Variants in ZMYM4 observed in about 807,000 individuals in gnomAD.
The protein encoded by ZMYM4 is zinc finger MYM-type protein 4.
A neutral mutation model predicts 183.2 loss-of-function variants in ZMYM4; 31 were observed. That is an observed-to-expected ratio of 0.17 (90% CI 0.13 to 0.23). The LOEUF (loss-of-function observed/expected upper bound fraction) is 0.23. Ranked by LOEUF, ZMYM4 falls within the 10% of genes least tolerant of loss-of-function variation. ZMYM4 has a pLI of 1.00. For missense variants in ZMYM4, 1,273 were observed against 1,840.3 expected (o/e 0.69, Z 5.64); for synonymous variants, 592 against 631.2 (o/e 0.94, Z 0.93).
At chr1:35,336,923 G>A (rs1040233700) in intron 2 of ZMYM4, among the ~76,000 whole-genome samples, 1 of 152,146 alleles carries the variant, frequency 6.6e-6, no homozygotes, top group Non-Finnish European at 1.5e-5. Context: ...TTCTCATGAG[G>A]TATCATGGTT....
intron 7 of ZMYM4, among the ~76,000 whole-genome samples, chr1:35,371,069 G>GTGTT (rs1189752813): frequency 4.1e-5 from 4 of 97,446 alleles, no homozygotes; most frequent in African/African-American, 2.0e-4. Flanking sequence ...TCCAGTGTGT[G>GTGTT]TGTGTGTGTG....
At chr1:35,302,200 C>CCTTTTTTTTTTTTTTTTT (rs1641311910) in intron 1 of ZMYM4, among the ~76,000 whole-genome samples, 1 of 58,556 alleles carries the variant, frequency 1.7e-5, no homozygotes, top group African/African-American at 6.4e-5. Flanking sequence ...ACGGCTCTTG[C>CCTTTTTTTTTTTTTTTTT]TTTTTTTTTT....
intron 1 of ZMYM4, among the ~76,000 whole-genome samples, chr1:35,271,108 G>A (rs77482369): frequency 0.021 from 3,184 of 152,196 alleles, 108 homozygotes; most frequent in African/African-American, 0.073. Flanking sequence ...GAAGGCATAT[G>A]GCATATAGTC....
chr1:35,365,381 A>G (rs939754128), intron 5 of ZMYM4, among the ~76,000 whole-genome samples: 1 of 151,344 alleles, frequency 6.6e-6, no homozygotes, highest in Non-Finnish European at 1.5e-5. Flanking sequence ...TGCCTTTTCC[A>G]TAGGGTCTAA....
intron 1 of ZMYM4, among the ~76,000 whole-genome samples, chr1:35,309,226 A>ATT (rs1338701810): frequency 6.6e-6 from 1 of 152,200 alleles, no homozygotes; most frequent in Non-Finnish European, 1.5e-5. Flanking sequence ...CTTTATGAAA[A>ATT]TGAGTTATTT....
At chr1:35,271,119 C>G (rs1388316136) in intron 1 of ZMYM4, among the ~76,000 whole-genome samples, 1 of 151,970 alleles carries the variant, frequency 6.6e-6, no homozygotes, top group Non-Finnish European at 1.5e-5. Flanking sequence ...GCATATAGTC[C>G]ACCAATGAAA....
Position 35,390,708 on chromosome 1 carries a change from A to AT in ZMYM4, c.2587+613dup, listed in dbSNP as rs539598478. On this transcript the variant is annotated intron_variant, in intron 15 of 29. Transcript: ENST00000314607. ...TAAAAATGAGTTTTTGATTAAATAG[A>AT]TTTCTTTGAGAATATTGAATCAAAT... Among the ~76,000 whole-genome samples the AT allele has an allele frequency of 9.8e-4, 150 of 152,316 alleles. 1 individual carries two copies. The highest frequency in any genetic ancestry group is 9.0e-3 in the Admixed American group (138 of 15,300).
intron 1 of ZMYM4, among the ~76,000 whole-genome samples, chr1:35,318,503 G>A (rs147395433): frequency 0.012 from 1,781 of 151,636 alleles, 44 homozygotes; most frequent in African/African-American, 0.041. Context: ...TGTCACCCAG[G>A]CTGGAGTACA....
chr1:35,326,548 A>G (rs907767534), intron 2 of ZMYM4, among the ~76,000 whole-genome samples: 4 of 152,206 alleles, frequency 2.6e-5, no homozygotes, highest in Admixed American at 6.5e-5. Flanking sequence ...TTTTATTACA[A>G]TAATTTATAT....
chr1:35,400,324 C>T (rs1442371795), intron 23 of ZMYM4: 12 of 149,062 alleles, frequency 8.1e-5, no homozygotes, highest in African/African-American at 3.0e-4. Context: ...GCCTCAGCCT[C>T]CCAAGTAGCT....
At chr1:35,381,107 T>G (rs1644448768) in intron 7 of ZMYM4, 152 bp from the exon 8 acceptor site, 3 of 583,908 alleles carry the variant, frequency 5.1e-6, no homozygotes, top group African/African-American at 1.9e-5. Context: ...AATTTTTAAG[T>G]GTCTCCCAGA....
chr1:35,307,170 C>G (rs1227984583), intron 1 of ZMYM4, among the ~76,000 whole-genome samples: 1 of 152,116 alleles, frequency 6.6e-6, no homozygotes, highest in Non-Finnish European at 1.5e-5. Flanking sequence ...TTTAAAATTA[C>G]TTTCATCTTT....
intron 5 of ZMYM4, among the ~76,000 whole-genome samples, chr1:35,367,538 C>G (rs1644115361): frequency 6.6e-6 from 1 of 152,008 alleles, no homozygotes; most frequent in African/African-American, 2.4e-5. Context: ...CATAAGTATC[C>G]TACAATTAGT....
intron 1 of ZMYM4, among the ~76,000 whole-genome samples, chr1:35,305,643 C>T (rs1375924998): frequency 6.6e-6 from 1 of 151,924 alleles, no homozygotes; most frequent in East Asian, 1.9e-4. Flanking sequence ...TCCTGGGCTC[C>T]AGCAGTCCTC....
intron 7 of ZMYM4, among the ~76,000 whole-genome samples, chr1:35,374,019 CTTTTTTTT>C (rs397863926): frequency 3.8e-5 from 2 of 52,782 alleles, no homozygotes; most frequent in African/African-American, 7.7e-5. Context: ...TCATGGGATT[CTTTTTTTT>C]TTTTTTTTTT....
chr1:35,380,339 T>C (rs1644428273), intron 7 of ZMYM4, among the ~76,000 whole-genome samples: 1 of 151,842 alleles, frequency 6.6e-6, no homozygotes, highest in Non-Finnish European at 1.5e-5. Context: ...TATTTATTTA[T>C]TTTTTTGAGA....
intron 1 of ZMYM4, among the ~76,000 whole-genome samples, chr1:35,289,842 C>G (rs1220360299): frequency 6.6e-6 from 1 of 152,288 alleles, no homozygotes; most frequent in Admixed American, 6.5e-5. Context: ...ACCATATATC[C>G]TAAAGACCTT....
At chr1:35,307,154 A>G (rs1415097078) in intron 1 of ZMYM4, among the ~76,000 whole-genome samples, 1 of 152,172 alleles carries the variant, frequency 6.6e-6, no homozygotes, top group Non-Finnish European at 1.5e-5. Flanking sequence ...TTAATACTAA[A>G]TTATCTTTAA....
chr1:35,367,367 T>C (rs954240498), intron 5 of ZMYM4, among the ~76,000 whole-genome samples: 1 of 151,932 alleles, frequency 6.6e-6, no homozygotes, highest in Non-Finnish European at 1.5e-5. Context: ...TAGCTGGGAT[T>C]ACAGGCGTGC....
Sources: allele counts gnomAD v4.1 joint callset (sites outside exome capture counted in the v4.1 genomes callset), GRCh38; gene constraint gnomAD v4.1.1; transcripts MANE v1.5; gene names NCBI Gene and HGNC (gene_info 2026-07-23, HGNC 2026-07-21).